The following TEC variants were observed in gnomAD, a reference collection of about 807,000 sequenced individuals.
The protein encoded by TEC is tyrosine-protein kinase Tec.
A neutral mutation model predicts 93.0 loss-of-function variants in TEC; 72 were observed. The observed-to-expected ratio is 0.77, with a 90% confidence interval of 0.64 to 0.94. The LOEUF (loss-of-function observed/expected upper bound fraction) is 0.94. TEC is among the 40% of genes least tolerant of loss of function. TEC has a pLI of 0.00. For synonymous variants in TEC, 249 were observed against 247.7 expected (o/e 1.01, Z -0.05); for missense variants, 630 against 757.9 (o/e 0.83, Z 1.98).
intron 1 of TEC, among the ~76,000 whole-genome samples, chr4:48,229,195 T>C (rs1001118241): frequency 3.3e-5 from 5 of 152,144 alleles, no homozygotes; most frequent in Non-Finnish European, 5.9e-5. Context: ...CACAGGGATG[T>C]TCTCTGGTGT....
chr4:48,149,381 A>T (rs1297990143), intron 11 of TEC, among the ~76,000 whole-genome samples, 176 bp downstream of exon 11: 2 of 152,172 alleles, frequency 1.3e-5, no homozygotes. Context: ...ATAAAACTTG[A>T]TATTATTTCT....
chr4:48,229,485 A>T (rs1176166479), intron 1 of TEC, among the ~76,000 whole-genome samples: 1 of 152,222 alleles, frequency 6.6e-6, no homozygotes. Context: ...TGCCTCCACT[A>T]TGCCTTTAAA....
intron 2 of TEC, among the ~76,000 whole-genome samples, chr4:48,203,486 G>A (rs946186797): frequency 1.8e-4 from 28 of 152,252 alleles, no homozygotes; most frequent in African/African-American, 2.4e-4. Flanking sequence ...TGCATACTGC[G>A]CAGACCATTC....
intron 1 of TEC, among the ~76,000 whole-genome samples, chr4:48,245,374 C>T (rs1195450286): frequency 6.6e-6 from 1 of 151,884 alleles, no homozygotes; most frequent in Non-Finnish European, 1.5e-5. Context: ...TTCCAAATGT[C>T]ATCCAAAAAG....
rs142652533 is a variant in TEC, at chr4:48,183,115, A to T, written c.139-6929T>A. ...TGCAAGAGGACCTCAGAGAAGGAGC[A>T]TGAGCTTTGGAGACAAGCAGATCCT... On this transcript the variant is annotated intron_variant, in intron 2 of 17. Transcript: ENST00000381501. 6.3e-3 allele frequency among the ~76,000 whole-genome samples: 953 copies of T among 152,288 alleles called. 8 individuals carry two copies. Among genetic ancestry groups the T allele is most frequent in the South Asian group, 0.012 (60 of 4,830 alleles).
chr4:48,138,849 G>A, intron 16 of TEC, 27 bp from the exon 17 acceptor site: 2 of 1,613,328 alleles, frequency 1.2e-6, no homozygotes, highest in East Asian at 4.5e-5. Flanking sequence ...ATTACCAAAT[G>A]GATGTATCCA....
chr4:48,236,571 C>T (rs1028964635), intron 1 of TEC, among the ~76,000 whole-genome samples: 6 of 152,316 alleles, frequency 3.9e-5, no homozygotes, highest in Middle Eastern at 3.4e-3. Flanking sequence ...CGTGAGCCAC[C>T]GCGCCGGGCC....
rs193122378 is a variant in TEC, at chr4:48,146,490, A to G, written c.1007-91T>C. The G allele has an allele frequency of 3.5e-3, 3,925 of 1,122,548 alleles. 14 individuals carry two copies. Among genetic ancestry groups the G allele is most frequent in the Non-Finnish European group, 4.5e-3 (3,325 of 745,642 alleles). The allele number at this position is 1,122,548 out of a possible 1,614,324, so 69.5% of individuals were successfully genotyped here. On this transcript the variant is annotated intron_variant, in intron 11 of 17. Transcript: ENST00000381501. ...AGGAAACTCACTTAGAAAATTCATC[A>G]TTTATTCATTTACTGCTCATCCTCT...
chr4:48,173,266 TC>T (rs1721187422), intron 3 of TEC, among the ~76,000 whole-genome samples: 2 of 152,136 alleles, frequency 1.3e-5, no homozygotes, highest in Admixed American at 6.5e-5. Flanking sequence ...CTGTGAAACT[TC>T]CTTAAAGTTT....
intron 2 of TEC, among the ~76,000 whole-genome samples, chr4:48,218,910 G>T (rs1292812423): frequency 6.6e-6 from 1 of 152,152 alleles, no homozygotes; most frequent in Non-Finnish European, 1.5e-5. Flanking sequence ...ACAAGAGAAT[G>T]CTCAATTTTG....
intron 1 of TEC, among the ~76,000 whole-genome samples, chr4:48,244,326 G>A (rs369260054): frequency 2.6e-5 from 4 of 152,186 alleles, no homozygotes; most frequent in South Asian, 2.1e-4. Context: ...ACAGTTCCAC[G>A]TGGCTGGGGA....
intron 2 of TEC, among the ~76,000 whole-genome samples, chr4:48,219,915 T>C (rs1398964311): frequency 6.6e-6 from 1 of 152,026 alleles, no homozygotes; most frequent in Non-Finnish European, 1.5e-5. Context: ...GGGAGAACAC[T>C]CGCTAAGCCC....
At chr4:48,244,455 G>A (rs545856661) in intron 1 of TEC, among the ~76,000 whole-genome samples, 6 of 152,308 alleles carry the variant, frequency 3.9e-5, no homozygotes, top group African/African-American at 1.4e-4. Flanking sequence ...ATCAGATCTT[G>A]TAGACTTATT....
Sources: allele counts gnomAD v4.1 joint callset (sites outside exome capture counted in the v4.1 genomes callset), GRCh38; gene constraint gnomAD v4.1.1; transcripts MANE v1.5; gene names NCBI Gene and HGNC (gene_info 2026-07-23, HGNC 2026-07-21).